FBXO22: variants seen among roughly 807,000 people sequenced by gnomAD.
FBXO22 encodes the protein F-box only protein 22.
Under a neutral mutation model 37.2 loss-of-function variants are expected in FBXO22, and 13 were observed. That is an observed-to-expected ratio of 0.35 (90% CI 0.23 to 0.56). The LOEUF (loss-of-function observed/expected upper bound fraction) is 0.56. FBXO22 is among the 20% of genes least tolerant of loss of function. The pLI is 0.87. For synonymous variants in FBXO22, 189 were observed against 189.1 expected, an observed-to-expected ratio of 1.00 and a Z score of 0.00; for missense variants, 446 against 509.9, an observed-to-expected ratio of 0.87 and a Z score of 1.21.
rs2030664703 is a variant in FBXO22 at position 75,939,001 on chromosome 15, A to G, written c.*5899A>G. ...TTGTAGACATAAATGCTTACATTAA[A>G]AAACAAAAAAGACCTCATGTCAACA... is the stretch of plus-strand genomic sequence containing the variant. On this transcript the variant is annotated 3_prime_UTR_variant, in exon 7 of 7. Coordinates refer to ENST00000308275, the MANE Select transcript of FBXO22 (RefSeq NM_147188.3). 6.6e-6 allele frequency: 1 copy of G among 152,208 alleles called. No individual in the cohort carries two copies. The highest frequency in any genetic ancestry group is 2.1e-4 in the South Asian group (1 of 4,834). The allele number at this position is 152,208 out of a possible 1,614,324, so 9.4% of individuals were successfully genotyped here.
chr15:75,912,321 T>G (rs1023830775), intron 2 of FBXO22, among the ~76,000 whole-genome samples: 1 of 152,154 alleles, frequency 6.6e-6, no homozygotes, highest in Non-Finnish European at 1.5e-5. Flanking sequence ...TTTCTGTTGT[T>G]TGGAATAGTT....
At chr15:75,919,058 A>G (rs1900258562) in intron 5 of FBXO22, among the ~76,000 whole-genome samples, 1 of 152,020 alleles carries the variant, frequency 6.6e-6, no homozygotes, top group African/African-American at 2.4e-5. Context: ...CCTGGGTTCA[A>G]GGGTTCAAGT....
chr15:75,930,578 G>T (rs2029978000), intron 6 of FBXO22: 1 of 985,486 alleles, frequency 1.0e-6, no homozygotes, highest in Non-Finnish European at 1.2e-6. Flanking sequence ...CTTTTGAAAG[G>T]CTTTTTCAAG....
At position 75,903,945 on chromosome 15, in the gene FBXO22, T is replaced by C; in HGVS notation, c.-19T>C. The C allele has an allele frequency of 6.5e-7, 1 of 1,530,940 alleles. No individual in the cohort carries two copies. Among genetic ancestry groups the C allele is most frequent in the South Asian group, 1.2e-5 (1 of 81,940 alleles). The allele number at this position is 1,530,940 out of a possible 1,614,324, so 94.8% of individuals were successfully genotyped here. ...TCCTCCGAGCCGCCGTAGGACTGGTTCCGGCGGGCTGGTGAGGAATGGAGC... is the reference window on the plus strand; with the variant it reads ...TCCTCCGAGCCGCCGTAGGACTGGTCCCGGCGGGCTGGTGAGGAATGGAGC... On this transcript the variant is annotated 5_prime_UTR_variant, in exon 1 of 7. Transcript: ENST00000308275.
intron 4 of FBXO22, among the ~76,000 whole-genome samples, chr15:75,915,680 T>A (rs1900165751): frequency 6.6e-6 from 1 of 151,836 alleles, no homozygotes; most frequent in South Asian, 2.1e-4. Context: ...GGTGGGTGGA[T>A]CATGAGGTCA....
At chr15:75,912,167 G>A (rs1042736692) in intron 2 of FBXO22, among the ~76,000 whole-genome samples, 2 of 151,816 alleles carry the variant, frequency 1.3e-5, no homozygotes, top group Admixed American at 1.3e-4. Flanking sequence ...TGCTGGATTC[G>A]GTCTGCCAGT....
At position 75,937,731 on chromosome 15, in the gene FBXO22, G is replaced by A. The variant is rs891834026; in HGVS notation, c.*4629G>A. 6.6e-6 allele frequency: 1 copy of A among 152,122 alleles called. No individual in the cohort carries two copies. The highest frequency in any genetic ancestry group is 2.4e-5 in the African/African-American group (1 of 41,410). The allele number at this position is 152,122 out of a possible 1,614,324, so 9.4% of individuals were successfully genotyped here. A position where few individuals can be genotyped will look rare whatever the true frequency, so the allele number is the denominator to read the frequency against. ...CCCTCCCTTGAACTGGAGAAAACATGCTAGACCTTTTTTGCAAATTACTGT... is the reference window on the plus strand; with the variant it reads ...CCCTCCCTTGAACTGGAGAAAACATACTAGACCTTTTTTGCAAATTACTGT... On this transcript the variant is annotated 3_prime_UTR_variant, in exon 7 of 7. Coordinates refer to ENST00000308275, the MANE Select transcript of FBXO22 (RefSeq NM_147188.3).
intron 4 of FBXO22, among the ~76,000 whole-genome samples, chr15:75,916,524 TA>T (rs1164476485): frequency 6.6e-6 from 1 of 152,206 alleles, no homozygotes; most frequent in African/African-American, 2.4e-5. Context: ...CATTTAATCT[TA>T]ACTATCTCTT....
At chr15:75,907,126 TAA>T (rs1899947338) in intron 2 of FBXO22, among the ~76,000 whole-genome samples, 1 of 152,218 alleles carries the variant, frequency 6.6e-6, no homozygotes, top group South Asian at 2.1e-4. Context: ...TCTATAGCTT[TAA>T]GAGTTTATAC....
chr15:75,930,433 A>G (rs1302114146), intron 6 of FBXO22: 1 of 1,055,056 alleles, frequency 9.5e-7, no homozygotes, highest in Non-Finnish European at 1.2e-6. Flanking sequence ...AGAGCTTCTA[A>G]TATGCCCAGT....
At chr15:75,907,119 A>G (rs565345366) in intron 2 of FBXO22, among the ~76,000 whole-genome samples, 7 of 152,320 alleles carry the variant, frequency 4.6e-5, no homozygotes, top group East Asian at 3.9e-4. Flanking sequence ...TGATTTTTCT[A>G]TAGCTTTAAG....
intron 6 of FBXO22, chr15:75,930,963 C>T (rs1183030862): frequency 1.6e-6 from 1 of 635,404 alleles, no homozygotes; most frequent in Non-Finnish European, 2.0e-6. Flanking sequence ...AAGTTGAGGT[C>T]CCTGGACTGC....
chr15:75,922,619 G>A (rs1298879682), intron 5 of FBXO22, among the ~76,000 whole-genome samples: 1 of 152,156 alleles, frequency 6.6e-6, no homozygotes, highest in African/African-American at 2.4e-5. Context: ...AGGGTGGGGC[G>A]CATTCAGGCC....
chr15:75,918,648 A>G (rs1204340518), intron 5 of FBXO22, among the ~76,000 whole-genome samples: 1 of 152,376 alleles, frequency 6.6e-6, no homozygotes, highest in South Asian at 2.1e-4. Context: ...TGTGGTATAC[A>G]TACATAATGA....
rs560600109 is a variant in FBXO22 at position 75,937,964 on chromosome 15, C to G, written c.*4862C>G. The G allele has an allele frequency of 2.6e-5, 4 of 152,302 alleles. No individual in the cohort carries two copies. The highest frequency in any genetic ancestry group is 2.1e-4 in the South Asian group (1 of 4,822). 9.4% of individuals were successfully genotyped at this position (152,302 alleles called of 1,614,324 possible). ...GGGTAAGACTTTGGGAAATTAAGAA[C>G]AGTTACATATACAGGGGGGATTTAA... On this transcript the variant is annotated 3_prime_UTR_variant, in exon 7 of 7. Transcript: ENST00000308275.
intron 5 of FBXO22, among the ~76,000 whole-genome samples, chr15:75,923,822 G>A (rs1900382136): frequency 1.3e-5 from 2 of 152,170 alleles, no homozygotes; most frequent in African/African-American, 4.8e-5. Context: ...TAAGGAAAGA[G>A]GAGATGGCAG....
In FBXO22 at chr15:75,932,743, A is replaced by G. The variant is rs2030091647; in HGVS notation, c.853A>G (p.Ile285Val). 3 of 1,614,216 alleles carry G rather than the reference A, an allele frequency of 1.9e-6. No homozygotes were observed. Among genetic ancestry groups the G allele is most frequent in the Middle Eastern group, 1.6e-4 (1 of 6,062 alleles). Residue 285 changes from isoleucine (I) to valine (V), a missense_variant, in exon 7 of 7, where the codon ATC (isoleucine) becomes GTC (valine). Physicochemically the swap from Ile to Val is conservative, Grantham distance 29. Transcript: ENST00000308275. ...TGGACTGTCATTTAGTGGACACCGA[A>G]TCCAGAGTGCCACTGTGCTCCTCAA... ...VVGLSFSGHR[I>V]QSATVLLNED... is the part of the protein sequence containing the mutation.
rs115818888 is a variant in FBXO22 at position 75,919,044 on chromosome 15, A to G, written c.628+1650A>G. On this transcript the variant is annotated intron_variant, in intron 5 of 6. Transcript: ENST00000308275. ...ATGATCTCAGCTCACTGCTACTTCTACTTCCTGGGTTCAAGGGTTCAAGTG... is the reference window on the plus strand; with the variant it reads ...ATGATCTCAGCTCACTGCTACTTCTGCTTCCTGGGTTCAAGGGTTCAAGTG... Among the ~76,000 whole-genome samples the G allele has an allele frequency of 3.9e-3, 590 of 152,110 alleles. 5 individuals carry two copies. The highest frequency in any genetic ancestry group is 0.014 in the African/African-American group (579 of 41,490).
chr15:75,921,788 T>C (rs1900330385), intron 5 of FBXO22, among the ~76,000 whole-genome samples: 1 of 152,236 alleles, frequency 6.6e-6, no homozygotes, highest in African/African-American at 2.4e-5. Context: ...TTAAGCTTTT[T>C]GTTAAAAACT....
Sources: gnomAD v4.1 joint callset for allele counts (sites outside exome capture counted in the v4.1 genomes callset) on GRCh38, gnomAD v4.1.1 for gene constraint, MANE v1.5 for transcripts, NCBI Gene and HGNC (gene_info 2026-07-23, HGNC 2026-07-21) for gene names.